Variants in ISOC2 observed in about 807,000 individuals in gnomAD.
ISOC2 encodes isochorismatase domain containing 2.
A neutral mutation model predicts 19.3 loss-of-function variants in ISOC2; 15 were observed. The ratio of observed to expected loss-of-function variants is 0.78; its 90% CI spans 0.52 to 1.20. The LOEUF (loss-of-function observed/expected upper bound fraction) is 1.20. Among genes scored for constraint, ISOC2 ranks in the 50% most tolerant of loss-of-function variants. The probability of loss-of-function intolerance (pLI) is 0.00; values close to 1 mark genes in which losing one functional copy is unlikely to be tolerated. For synonymous variants in ISOC2, 106 were observed against 115.8 expected, an observed-to-expected ratio of 0.92 and a Z score of 0.54; for missense variants, 285 against 272.4, an observed-to-expected ratio of 1.05 and a Z score of -0.33.
At chr19:55,457,674 C>T (rs1986104011) in intron 1 of ISOC2, among the ~76,000 whole-genome samples, 1 of 151,204 alleles carries the variant, frequency 6.6e-6, no homozygotes, top group South Asian at 2.1e-4. Context: ...ACTAAAAATA[C>T]CAAAAATCAG....
At chr19:55,459,889 G>A (rs1178788594) in intron 1 of ISOC2, 1 of 152,264 alleles carries the variant, frequency 6.6e-6, no homozygotes, top group African/African-American at 2.4e-5. Flanking sequence ...GCAGATCTGG[G>A]GGCCAGCATG....
chr19:55,455,117 G>C lies in ISOC2; in HGVS notation c.420-11C>G. The stretch of plus-strand genomic sequence containing the variant: ...AGCCGGTCCACCTGGCTGTGAGTGG[G>C]AGGGAGGGAGGGAAGGTTGGTGTGG... On this transcript the variant is annotated splice_polypyrimidine_tract_variant and intron_variant, in intron 4 of 5. Coordinates refer to ENST00000425675, the MANE Select transcript of ISOC2 (RefSeq NM_001136201.2). The C allele has an allele frequency of 7.7e-7, 1 of 1,295,204 alleles. No individual in the cohort carries two copies. 80.2% of individuals were successfully genotyped at this position (1,295,204 alleles called of 1,614,324 possible). A position where few individuals can be genotyped will look rare whatever the true frequency, so the allele number is the denominator to read the frequency against.
intron 1 of ISOC2, among the ~76,000 whole-genome samples, chr19:55,461,229 T>C (rs554735076): frequency 6.6e-6 from 1 of 152,266 alleles, no homozygotes; most frequent in East Asian, 1.9e-4. Flanking sequence ...CCGGACTTCC[T>C]GGCTGTGTGA....
At chr19:55,456,901 C>G (rs1186930405) in intron 1 of ISOC2, among the ~76,000 whole-genome samples, 1 of 152,176 alleles carries the variant, frequency 6.6e-6, no homozygotes, top group Non-Finnish European at 1.5e-5. Flanking sequence ...TGGTTACCAT[C>G]CACCCCAGTC....
chr19:55,457,469 A>C (rs992690735), intron 1 of ISOC2, among the ~76,000 whole-genome samples: 1 of 150,376 alleles, frequency 6.6e-6, no homozygotes, highest in African/African-American at 2.5e-5. Flanking sequence ...CAGGAGGCAG[A>C]GGTTGTAGTG....
intron 1 of ISOC2, among the ~76,000 whole-genome samples, chr19:55,461,035 A>G (rs1986219472): frequency 6.6e-6 from 1 of 151,902 alleles, no homozygotes. Context: ...TGTGTGAGAG[A>G]GAGAGATGTG....
At chr19:55,458,532 C>CTT (rs796494446) in intron 1 of ISOC2, among the ~76,000 whole-genome samples, 5 of 142,708 alleles carry the variant, frequency 3.5e-5, no homozygotes, top group Non-Finnish European at 4.6e-5. Flanking sequence ...ATTTTCTTTT[C>CTT]TTTTTTTTTT....
intron 5 of ISOC2, chr19:55,454,445 T>TG (rs138973666): frequency 0.021 from 3,315 of 158,320 alleles, 115 homozygotes; most frequent in African/African-American, 0.075. Context: ...TGTCAAGGTC[T>TG]GGGGCCTCTC....
chr19:55,461,183 T>C (rs1986226618), intron 1 of ISOC2, among the ~76,000 whole-genome samples: 1 of 151,420 alleles, frequency 6.6e-6, no homozygotes, highest in Non-Finnish European at 1.5e-5. Flanking sequence ...GGGCCGTTGA[T>C]TTCCCCACCC....
intron 1 of ISOC2, among the ~76,000 whole-genome samples, chr19:55,458,751 C>T (rs1599884900): frequency 6.6e-6 from 1 of 151,932 alleles, no homozygotes. Context: ...TGGTCTTGAA[C>T]TCCTGACCTC....
At chr19:55,458,374 TC>T (rs961660633) in intron 1 of ISOC2, among the ~76,000 whole-genome samples, 34 of 152,314 alleles carry the variant, frequency 2.2e-4, no homozygotes, top group African/African-American at 7.7e-4. Flanking sequence ...TGCAGCTCTC[TC>T]CCCGTCTGTG....
Position 55,453,343 on chromosome 19 carries a change from CCAG to C in ISOC2, c.580_582del (p.Leu194del). The C allele has an allele frequency of 1.2e-6, 2 of 1,607,898 alleles. No individual in the cohort carries two copies. Among genetic ancestry groups the C allele is most frequent in the Non-Finnish European group, 1.7e-6 (2 of 1,177,388 alleles). ...AGGGAGTTCTGGCCTTGGAAGAGGC[CCAG>C]CAGTCCGCTGTCTGGGGCGGGCTCC... is the stretch of plus-strand genomic sequence containing the variant. On this transcript the variant is annotated inframe_deletion, in exon 6 of 6. Transcript: ENST00000425675.
chr19:55,458,103 GGACAGGCTGGT>G (rs1568459495), intron 1 of ISOC2, among the ~76,000 whole-genome samples: 1 of 151,464 alleles, frequency 6.6e-6, no homozygotes, highest in Non-Finnish European at 1.5e-5. Context: ...AAGAAAAAAA[GGACAGGCTGGT>G]GAAGCCACCT....
chr19:55,456,987 T>TGGTTACGATCAGCCCC (rs1555756288), intron 1 of ISOC2: 36 of 88,844 alleles, frequency 4.1e-4, no homozygotes, highest in Non-Finnish European at 7.4e-4. Flanking sequence ...CTGTCAGCCC[T>TGGTTACGATCAGCCCC]GGTTACCATC....
At chr19:55,459,274 T>C (rs565073229) in intron 1 of ISOC2, among the ~76,000 whole-genome samples, 88 of 152,272 alleles carry the variant, frequency 5.8e-4, no homozygotes, top group African/African-American at 1.9e-3. Context: ...CCATAGCAAA[T>C]GTTTTCTATG....
chr19:55,458,993 G>T (rs921781520), intron 1 of ISOC2, among the ~76,000 whole-genome samples: 1 of 151,788 alleles, frequency 6.6e-6, no homozygotes, highest in Admixed American at 6.6e-5. Context: ...GTACAGTGGC[G>T]CAATCATAGC....
intron 5 of ISOC2, 103 bp from the exon 6 acceptor site, chr19:55,453,491 T>C (rs1465008187): frequency 1.3e-6 from 1 of 779,416 alleles, no homozygotes; most frequent in Non-Finnish European, 1.9e-6. Context: ...TCGGACCTTC[T>C]GGCTAGCAGC....
chr19:55,455,759 C>T lies in ISOC2; in HGVS notation c.225G>A (p.Glu75=), dbSNP rs1986033304. The T allele has an allele frequency of 1.9e-6, 3 of 1,590,030 alleles. No homozygotes were observed. Among genetic ancestry groups the T allele is most frequent in the Admixed American group, 1.8e-5 (1 of 56,154 alleles). ...AGGTCTTGGCCAGCGGCCGAAGGCC[C>T]TCAGTCCCCAGCTCGGGCACCGTGG... is the stretch of plus-strand genomic sequence containing the variant. The part of the protein sequence containing the change: ...LGPTVPELGT[E]GLRPLAKTCF... The change falls in exon 3 of 6, where the codon GAG becomes GAA. Residue 75 remains glutamate (E), a synonymous_variant. Transcript: ENST00000425675.
At chr19:55,460,528 A>G (rs764458110) in intron 1 of ISOC2, among the ~76,000 whole-genome samples, 1 of 152,222 alleles carries the variant, frequency 6.6e-6, no homozygotes, top group Non-Finnish European at 1.5e-5. Flanking sequence ...AAGGGTTGGC[A>G]TAAAGCCAAA....
Sources: gnomAD v4.1 joint callset for allele counts (sites outside exome capture counted in the v4.1 genomes callset) on GRCh38, gnomAD v4.1.1 for gene constraint, MANE v1.5 for transcripts, NCBI Gene and HGNC (gene_info 2026-07-23, HGNC 2026-07-21) for gene names.